The following SUMF1 variants were observed in gnomAD, a reference collection of about 807,000 sequenced individuals.
SUMF1 encodes the protein formylglycine-generating enzyme.
SUMF1 carries 48 observed loss-of-function variants against 47.6 expected under a neutral mutation model. The ratio of observed to expected loss-of-function variants is 1.01; its 90% CI spans 0.80 to 1.28. The LOEUF is 1.28. SUMF1 is among the 50% of genes most tolerant of loss of function. The pLI is 0.00. For synonymous variants in SUMF1, 230 were observed against 192.1 expected, an observed-to-expected ratio of 1.20 and a Z score of -1.63; for missense variants, 571 against 485.4, an observed-to-expected ratio of 1.18 and a Z score of -1.66.
chr3:4,175,289 C>T lies in SUMF1; in HGVS notation c.1015-106544G>A, dbSNP rs192716583. On this transcript the variant is annotated intron_variant and NMD_transcript_variant, in intron 8 of 12. Transcript: ENST00000448413. ...GGAGACACCTCCCAGTTGGGGTCGACAGTCACCTCATACAGCCAGCTGCCC... is the reference window on the plus strand; with the variant it reads ...GGAGACACCTCCCAGTTGGGGTCGATAGTCACCTCATACAGCCAGCTGCCC... 4.9e-4 allele frequency among the ~76,000 whole-genome samples: 74 copies of T among 152,242 alleles called. 1 individual carries two copies. The highest frequency in any genetic ancestry group is 1.6e-3 in the African/African-American group (67 of 41,546).
At chr3:4,352,999 A>G (rs979238866) in intron 8 of SUMF1, among the ~76,000 whole-genome samples, 1 of 152,202 alleles carries the variant, frequency 6.6e-6, no homozygotes, top group African/African-American at 2.4e-5. Flanking sequence ...CTCCTAGATG[A>G]ACAGCTCTCA....
At chr3:4,389,412 T>C (rs1700781798) in intron 7 of SUMF1, among the ~76,000 whole-genome samples, 1 of 152,110 alleles carries the variant, frequency 6.6e-6, no homozygotes. Flanking sequence ...GTTCAGAAGT[T>C]TAATTATAAC....
At chr3:4,176,607 A>T (rs1255643880) in intron 8 of SUMF1, among the ~76,000 whole-genome samples, 2 of 152,362 alleles carry the variant, frequency 1.3e-5, no homozygotes, top group East Asian at 3.9e-4. Context: ...AAGACCATCG[A>T]TGATAGAAAG....
chr3:4,109,728 G>A (rs1016371751), intron 8 of SUMF1, among the ~76,000 whole-genome samples: 13 of 152,016 alleles, frequency 8.6e-5, no homozygotes, highest in African/African-American at 2.7e-4. Context: ...GGCTCCTGAG[G>A]CTTGTGCATT....
intron 8 of SUMF1, among the ~76,000 whole-genome samples, chr3:4,353,494 C>T (rs904694311): frequency 4.6e-5 from 7 of 152,236 alleles, no homozygotes; most frequent in Admixed American, 1.3e-4. Context: ...CCTCGTGATC[C>T]GCCCACCTCG....
At chr3:4,391,026 T>G (rs933556722) in intron 7 of SUMF1, among the ~76,000 whole-genome samples, 1 of 152,234 alleles carries the variant, frequency 6.6e-6, no homozygotes, top group Non-Finnish European at 1.5e-5. Flanking sequence ...ATTGTTCTCC[T>G]GGATATAGAA....
intron 1 of SUMF1, among the ~76,000 whole-genome samples, chr3:4,461,580 C>G (rs2079815413): frequency 6.6e-6 from 1 of 152,102 alleles, no homozygotes; most frequent in Non-Finnish European, 1.5e-5. Context: ...AAGGTGAGTA[C>G]CAACAATGCT....
chr3:4,309,666 A>G (rs1182894902), intron 8 of SUMF1, among the ~76,000 whole-genome samples: 2 of 152,188 alleles, frequency 1.3e-5, no homozygotes, highest in African/African-American at 2.4e-5. Context: ...GGTAGGCTAC[A>G]CACTCAGTAG....
intron 3 of SUMF1, among the ~76,000 whole-genome samples, chr3:4,442,430 T>C (rs148844621): frequency 2.7e-5 from 4 of 150,436 alleles, no homozygotes; most frequent in Non-Finnish European, 3.0e-5. Context: ...TAATTTTTTT[T>C]TTGTATTTTT....
At chr3:4,185,760 A>G (rs188500484) in intron 8 of SUMF1, among the ~76,000 whole-genome samples, 31 of 152,348 alleles carry the variant, frequency 2.0e-4, no homozygotes, top group Admixed American at 2.0e-3. Context: ...AAAGAGAAGG[A>G]AAGTGTTTAT....
intron 3 of SUMF1, among the ~76,000 whole-genome samples, chr3:4,426,420 G>A (rs1702069193): frequency 6.6e-6 from 1 of 152,174 alleles, no homozygotes; most frequent in South Asian, 2.1e-4. Context: ...ATATTTTCTG[G>A]TCAAATTTAG....
chr3:4,250,058 C>T (rs927559148), intron 8 of SUMF1, among the ~76,000 whole-genome samples: 1 of 151,992 alleles, frequency 6.6e-6, no homozygotes, highest in African/African-American at 2.4e-5. Flanking sequence ...GTGGCACACA[C>T]CTGTAATCCC....
intron 8 of SUMF1, among the ~76,000 whole-genome samples, chr3:4,352,542 G>A (rs1299535646): frequency 6.6e-6 from 1 of 151,970 alleles, no homozygotes; most frequent in East Asian, 1.9e-4. Context: ...GACATGGCAG[G>A]GTCCCACCAC....
chr3:4,212,057 C>G (rs1169821898), intron 8 of SUMF1, among the ~76,000 whole-genome samples: 3 of 152,196 alleles, frequency 2.0e-5, no homozygotes, highest in Non-Finnish European at 4.4e-5. Context: ...AGCAGACCTC[C>G]CAGCACAGCA....
At chr3:4,097,632 G>T (rs947921073) in intron 8 of SUMF1, among the ~76,000 whole-genome samples, 1 of 152,000 alleles carries the variant, frequency 6.6e-6, no homozygotes, top group Non-Finnish European at 1.5e-5. Flanking sequence ...AATTCACAAC[G>T]CATGTGTTCT....
At chr3:4,138,585 T>C (rs958290911) in intron 8 of SUMF1, among the ~76,000 whole-genome samples, 2 of 152,122 alleles carry the variant, frequency 1.3e-5, no homozygotes, top group African/African-American at 4.8e-5. Context: ...TGAGCTTCCC[T>C]AGTTGGCAAT....
chr3:4,179,499 C>G (rs908234169), intron 8 of SUMF1, among the ~76,000 whole-genome samples: 7 of 152,146 alleles, frequency 4.6e-5, no homozygotes, highest in African/African-American at 1.7e-4. Context: ...AAAGCTGAAA[C>G]TGGATCCCTT....
intron 8 of SUMF1, among the ~76,000 whole-genome samples, chr3:4,076,807 G>A (rs1208426530): frequency 6.6e-6 from 1 of 151,952 alleles, no homozygotes; most frequent in East Asian, 1.9e-4. Context: ...AGACCATCCT[G>A]GCTAACATGG....
intron 8 of SUMF1, among the ~76,000 whole-genome samples, chr3:4,133,321 T>C (rs1693835902): frequency 6.6e-6 from 1 of 152,178 alleles, no homozygotes; most frequent in Non-Finnish European, 1.5e-5. Flanking sequence ...GATAGTTATA[T>C]TAGGCATAAT....
Sources: gnomAD v4.1 joint callset for allele counts (sites outside exome capture counted in the v4.1 genomes callset) on GRCh38, gnomAD v4.1.1 for gene constraint, MANE v1.5 for transcripts, NCBI Gene and HGNC (gene_info 2026-07-23, HGNC 2026-07-21) for gene names.